SCAPER: variants seen among roughly 807,000 people sequenced by gnomAD.
SCAPER encodes S phase cyclin A-associated protein in the endoplasmic reticulum.
SCAPER carries 98 observed loss-of-function variants against 182.2 expected under a neutral mutation model. The observed-to-expected ratio is 0.54, with a 90% CI of 0.46 to 0.64. SCAPER has a LOEUF of 0.64. Among genes scored for constraint, SCAPER ranks in the 30% least tolerant of loss-of-function variants. SCAPER has a pLI of 0.00. For missense variants in SCAPER, 1,432 were observed against 1,690.0 expected (o/e 0.85, Z 2.68); for synonymous variants, 605 against 564.6 (o/e 1.07, Z -1.01).
intron 27 of SCAPER, among the ~76,000 whole-genome samples, chr15:76,402,454 G>A (rs1345510883): frequency 6.6e-6 from 1 of 152,180 alleles, no homozygotes; most frequent in Non-Finnish European, 1.5e-5. Context: ...ATATCATACC[G>A]TTTTTCTCAA....
chr15:76,403,893 G>A (rs1420085715), intron 27 of SCAPER, among the ~76,000 whole-genome samples: 1 of 152,108 alleles, frequency 6.6e-6, no homozygotes, highest in African/African-American at 2.4e-5. Flanking sequence ...TATTGTTTTT[G>A]AGGACAGTCC....
chr15:76,732,120 G>A (rs1310682527), intron 16 of SCAPER, among the ~76,000 whole-genome samples: 1 of 152,068 alleles, frequency 6.6e-6, no homozygotes, highest in Non-Finnish European at 1.5e-5. Flanking sequence ...TTTCTAGAGT[G>A]CCATATTGAA....
intron 24 of SCAPER, among the ~76,000 whole-genome samples, chr15:76,498,008 AAAAAAAAAAAAAT>A (rs1035313187): frequency 3.5e-4 from 53 of 150,124 alleles, no homozygotes; most frequent in Non-Finnish European, 2.7e-4. Context: ...AAAAAAAAAA[AAAAAAAAAAAAAT>A]AAGCACATGA....
At position 76,733,197 on chromosome 15, in the gene SCAPER, CAAGCAATGTTTGCTG is replaced by C. The variant is rs764783791; in HGVS notation, c.2022+17_2022+31del. On this transcript the variant is annotated intron_variant, in intron 16 of 31. Coordinates refer to ENST00000563290, the MANE Select transcript of SCAPER (RefSeq NM_020843.4). Reference sequence around the variant, plus strand: ...GGACCCTACAAATATGACAGGTGCTCAAGCAATGTTTGCTGAATAAAAAAATCCTACCTGCACAGC... The same window carrying C: ...GGACCCTACAAATATGACAGGTGCTCAATAAAAAAATCCTACCTGCACAGC... 1 of 1,547,334 alleles carries C rather than the reference CAAGCAATGTTTGCTG, an allele frequency of 6.5e-7. No individual in the cohort carries two copies. Among genetic ancestry groups the C allele is most frequent in the Non-Finnish European group, 8.7e-7 (1 of 1,144,714 alleles).
chr15:76,561,592 G>C (rs1168148843), intron 23 of SCAPER, among the ~76,000 whole-genome samples: 1 of 152,068 alleles, frequency 6.6e-6, no homozygotes, highest in Non-Finnish European at 1.5e-5. Flanking sequence ...CTGTTTTAGG[G>C]AAGGGTGGTT....
rs897010790 is a variant in SCAPER, at chr15:76,611,129, C to T, written c.2711+10635G>A. Among the ~76,000 whole-genome samples the T allele has an allele frequency of 4.6e-5, 7 of 152,152 alleles. No homozygotes were observed. In the South Asian group the frequency reaches 1.5e-3, roughly 32 times the overall value. ...GCCCACACATTCACAGTCAATTGATCTTTGACAAGGGCACCAAGAACATGC... is the reference window on the plus strand; with the variant it reads ...GCCCACACATTCACAGTCAATTGATTTTTGACAAGGGCACCAAGAACATGC... On this transcript the variant is annotated intron_variant, in intron 22 of 31. Transcript: ENST00000563290.
Position 76,696,321 on chromosome 15 carries a change from T to C in SCAPER, c.2508+5437A>G, listed in dbSNP as rs116343187. 8.1e-3 allele frequency among the ~76,000 whole-genome samples: 1,240 copies of C among 152,314 alleles called. 13 individuals carry two copies. Among genetic ancestry groups the C allele is most frequent in the African/African-American group, 0.028 (1,177 of 41,560 alleles). On this transcript the variant is annotated intron_variant, in intron 20 of 31. Coordinates refer to ENST00000563290, the MANE Select transcript of SCAPER (RefSeq NM_020843.4). ...TTTATTTTCCTAGTTTAAAATTTAT[T>C]TTCTCTTCAATCACCTAATTGGCAT...
chr15:76,420,000 G>A (rs1279860069), intron 26 of SCAPER, among the ~76,000 whole-genome samples: 1 of 152,116 alleles, frequency 6.6e-6, no homozygotes, highest in African/African-American at 2.4e-5. Flanking sequence ...ATCAATAAAT[G>A]TGATACACCA....
At chr15:76,453,788 G>A (rs2048535493) in intron 25 of SCAPER, among the ~76,000 whole-genome samples, 1 of 152,160 alleles carries the variant, frequency 6.6e-6, no homozygotes, top group South Asian at 2.1e-4. Flanking sequence ...TGGGAGATGG[G>A]TATGGCATAA....
intron 7 of SCAPER, among the ~76,000 whole-genome samples, chr15:76,799,419 C>T (rs1255911090): frequency 6.7e-6 from 1 of 149,316 alleles, no homozygotes; most frequent in Non-Finnish European, 1.5e-5. Flanking sequence ...CATGCCACGA[C>T]ACATGGCTAA....
At chr15:76,506,649 C>T (rs2041610585) in intron 23 of SCAPER, among the ~76,000 whole-genome samples, 2 of 152,040 alleles carry the variant, frequency 1.3e-5, no homozygotes, top group African/African-American at 2.4e-5. Flanking sequence ...ATTATATATA[C>T]ATTTTTAGCA....
chr15:76,607,719 T>G (rs1418766424), intron 22 of SCAPER, among the ~76,000 whole-genome samples: 1 of 152,092 alleles, frequency 6.6e-6, no homozygotes, highest in East Asian at 1.9e-4. Flanking sequence ...TTCATTTCTT[T>G]TTACTCTTTT....
intron 5 of SCAPER, among the ~76,000 whole-genome samples, chr15:76,808,583 A>G (rs2066354384): frequency 6.6e-6 from 1 of 152,090 alleles, no homozygotes; most frequent in African/African-American, 2.4e-5. Flanking sequence ...CCGACTCCCA[A>G]TTTCTCCCTC....
At chr15:76,700,988 A>C (rs764948861) in intron 20 of SCAPER, among the ~76,000 whole-genome samples, 5 of 152,146 alleles carry the variant, frequency 3.3e-5, no homozygotes, top group Non-Finnish European at 5.9e-5. Flanking sequence ...GGGTACAACA[A>C]ATGATCTATA....
At chr15:76,626,869 T>TA (rs2052630113) in intron 21 of SCAPER, among the ~76,000 whole-genome samples, 1 of 152,216 alleles carries the variant, frequency 6.6e-6, no homozygotes, top group Non-Finnish European at 1.5e-5. Flanking sequence ...ATGGCATTAT[T>TA]ACCAGAGAAA....
intron 24 of SCAPER, among the ~76,000 whole-genome samples, chr15:76,487,691 T>G (rs1363458960): frequency 1.3e-5 from 2 of 152,072 alleles, no homozygotes; most frequent in African/African-American, 4.8e-5. Context: ...TCTAATAAAG[T>G]CTGTTAATTA....
intron 23 of SCAPER, among the ~76,000 whole-genome samples, chr15:76,513,897 A>T (rs1272353135): frequency 6.6e-6 from 1 of 152,196 alleles, no homozygotes; most frequent in Non-Finnish European, 1.5e-5. Flanking sequence ...TAAGTCACTC[A>T]GATCCCCTCA....
At chr15:76,887,223 C>T (rs1357548102) in intron 1 of SCAPER, among the ~76,000 whole-genome samples, 1 of 152,192 alleles carries the variant, frequency 6.6e-6, no homozygotes, top group Non-Finnish European at 1.5e-5. Context: ...CAGTCTGCAG[C>T]TTCCAGCATA....
intron 1 of SCAPER, among the ~76,000 whole-genome samples, chr15:76,887,301 G>A (rs758089196): frequency 2.0e-5 from 3 of 152,196 alleles, no homozygotes; most frequent in Admixed American, 6.5e-5. Flanking sequence ...ATTGGGACTG[G>A]TTGGACAGTG....
Sources: allele counts gnomAD v4.1 joint callset (sites outside exome capture counted in the v4.1 genomes callset), GRCh38; gene constraint gnomAD v4.1.1; transcripts MANE v1.5; gene names NCBI Gene and HGNC (gene_info 2026-07-23, HGNC 2026-07-21).